Variants in DCHS2 observed in about 807,000 individuals in gnomAD.
DCHS2 encodes protocadherin-23.
A neutral mutation model predicts 182.4 loss-of-function variants in DCHS2; 142 were observed. The observed-to-expected ratio is 0.78, with a 90% CI of 0.68 to 0.89. The LOEUF is 0.89. Ranked by LOEUF, DCHS2 falls within the 40% of genes least tolerant of loss-of-function variation. The pLI, the probability that DCHS2 is intolerant of heterozygous loss-of-function variation, is 0.00. For missense variants in DCHS2, 4,319 were observed against 4,198.6 expected, an observed-to-expected ratio of 1.03 and a Z score of -0.79; for synonymous variants, 1,740 against 1,663.3, an observed-to-expected ratio of 1.05 and a Z score of -1.12.
At chr4:154,259,810 T>A in intron 14 of DCHS2, 54 bp from the exon 15 acceptor site, 1 of 1,472,810 alleles carries the variant, frequency 6.8e-7, no homozygotes, top group Non-Finnish European at 9.0e-7. Flanking sequence ...GTTATTCTTT[T>A]ATTTTTTATT....
At chr4:154,454,312 T>C (rs572634270) in intron 1 of DCHS2, among the ~76,000 whole-genome samples, 49 of 152,238 alleles carry the variant, frequency 3.2e-4, no homozygotes, top group Non-Finnish European at 5.0e-4. Context: ...GGCATGAACA[T>C]AGCTCACTGC....
chr4:154,366,289 G>T lies in DCHS2; in HGVS notation c.2397C>A (p.Asp799Glu). ...AAGCCACTGTCCCATATATCCCAGA[G>T]TCCTGGTCAGTGGCAAGAACATTGA... is the stretch of plus-strand genomic sequence containing the variant. ...EIINVLATDQ[D>E]SGIYGTVAYE... The change falls in exon 3 of 20, where the codon GAC becomes GAA. Residue 799 changes from aspartate to glutamate, a missense_variant. Physicochemically the swap from Asp to Glu is conservative, Grantham distance 45. Transcript: ENST00000357232. 1 of 1,613,844 alleles carries T rather than the reference G, an allele frequency of 6.2e-7. No individual in the cohort carries two copies.
chr4:154,268,855 G>A (rs1733425555), intron 14 of DCHS2, among the ~76,000 whole-genome samples: 1 of 152,024 alleles, frequency 6.6e-6, no homozygotes, highest in Non-Finnish European at 1.5e-5. Context: ...TTTAATGATG[G>A]ACTGTAGAAG....
chr4:154,242,892 T>C lies in DCHS2; in HGVS notation c.6942-120A>G, dbSNP rs552889082. ...AGCTGACTAGCTACTTTTATTTTTC[T>C]CTTGGATTTTCTAAATGGCATCATT... On this transcript the variant is annotated intron_variant, in intron 16 of 19. Transcript: ENST00000357232. The C allele has an allele frequency of 3.6e-4, 483 of 1,337,204 alleles. 1 individual carries two copies. The highest frequency in any genetic ancestry group is 1.0e-3 in the Middle Eastern group (4 of 3,924). The allele number at this position is 1,337,204 out of a possible 1,614,324, so 82.8% of individuals were successfully genotyped here.
chr4:154,244,431 G>A (rs957352041), intron 16 of DCHS2, among the ~76,000 whole-genome samples: 1 of 152,150 alleles, frequency 6.6e-6, no homozygotes, highest in Non-Finnish European at 1.5e-5. Context: ...CACGATGAAG[G>A]CTAGGAGGGT....
intron 1 of DCHS2, among the ~76,000 whole-genome samples, chr4:154,463,091 G>T (rs1194455377): frequency 1.3e-5 from 2 of 150,124 alleles, no homozygotes; most frequent in African/African-American, 5.0e-5. Context: ...TTATAAGTAG[G>T]TGTATACATA....
rs1578955149 is a variant in DCHS2 at position 154,316,124 on chromosome 4, C to T, written c.5021-137G>A. The T allele has an allele frequency of 8.0e-6, 11 of 1,379,190 alleles. No individual in the cohort carries two copies. The East Asian group carries it at 2.5e-4, about 31-fold the overall frequency. 85.4% of individuals were successfully genotyped at this position (1,379,190 alleles called of 1,614,324 possible). ...TGCTAAAATATGAACTGCATTAAAT[C>T]ATCTTTAAATGTATACACTATCTAC... On this transcript the variant is annotated intron_variant, in intron 9 of 19. Coordinates refer to ENST00000357232, the MANE Select transcript of DCHS2 (RefSeq NM_001358235.2).
intron 1 of DCHS2, among the ~76,000 whole-genome samples, chr4:154,461,733 T>C (rs13126251): frequency 3.9e-5 from 6 of 152,174 alleles, no homozygotes; most frequent in Non-Finnish European, 7.3e-5. Flanking sequence ...TTTTCCTTTG[T>C]GCTCTTAAGA....
Position 154,333,114 on chromosome 4 carries a change from G to C in DCHS2, c.3094C>G (p.Leu1032Val), listed in dbSNP as rs764160220. The change falls in exon 5 of 20, where the codon CTG becomes GTG. Residue 1032 changes from leucine (L) to valine (V), a missense_variant. Coordinates refer to ENST00000357232, the MANE Select transcript of DCHS2 (RefSeq NM_001358235.2). ...CTGCCGTTGAGGAACAGCACCCCCA[G>C]GGCTCTGTCGATGGCAAAGACGCCT... ...QPGVFAIDRA[L>V]GVLFLNGSLG... 3.7e-6 allele frequency: 6 copies of C among 1,614,042 alleles called. No individual in the cohort carries two copies. The highest frequency in any genetic ancestry group is 1.1e-5 in the South Asian group (1 of 91,080).
intron 1 of DCHS2, among the ~76,000 whole-genome samples, chr4:154,467,361 C>T (rs1053829572): frequency 3.3e-5 from 5 of 152,064 alleles, no homozygotes; most frequent in African/African-American, 1.2e-4. Flanking sequence ...GAAATGATAC[C>T]AGGTTATATT....
chr4:154,322,139 G>A (rs992321616), intron 8 of DCHS2, among the ~76,000 whole-genome samples, 192 bp downstream of exon 8: 8 of 152,032 alleles, frequency 5.3e-5, no homozygotes, highest in Admixed American at 2.0e-4. Flanking sequence ...AAATAATTTG[G>A]GTCTAAATCA....
chr4:154,485,835 T>C (rs1010661687), intron 1 of DCHS2, among the ~76,000 whole-genome samples: 5 of 152,250 alleles, frequency 3.3e-5, no homozygotes, highest in Admixed American at 6.5e-5. Context: ...GGTTATAAGA[T>C]AAAAGCTGCA....
At chr4:154,340,519 C>G (rs1729015709) in intron 3 of DCHS2, among the ~76,000 whole-genome samples, 1 of 152,182 alleles carries the variant, frequency 6.6e-6, no homozygotes, top group African/African-American at 2.4e-5. Context: ...AATCCCCAAA[C>G]TGGCATTTTT....
At chr4:154,244,502 G>C (rs1731983518) in intron 16 of DCHS2, among the ~76,000 whole-genome samples, 2 of 152,186 alleles carry the variant, frequency 1.3e-5, no homozygotes, top group South Asian at 4.1e-4. Flanking sequence ...AGTGGAATTA[G>C]TCTCAGCTAG....
Position 154,236,127 on chromosome 4 carries a change from TA to T in DCHS2, c.8524del (p.Tyr2842MetfsTer23). The part of the protein sequence containing the change: ...GDIHAKQILD[Y>X]ENGNKYCLTV... ...GAGGCAGTATTTATTGCCATTTTCA[TA>T]GTCAAGGATTTGCTTAGCATGAATA... On this transcript the variant is annotated frameshift_variant, in exon 20 of 20. Transcript: ENST00000357232. LOFTEE classifies it low-confidence loss of function (END_TRUNC). 1.2e-6 allele frequency: 2 copies of T among 1,613,768 alleles called. No homozygotes were observed. The highest frequency in any genetic ancestry group is 1.7e-6 in the Non-Finnish European group (2 of 1,179,948).
At chr4:154,416,842 T>C (rs1284181518) in intron 1 of DCHS2, among the ~76,000 whole-genome samples, 1 of 152,178 alleles carries the variant, frequency 6.6e-6, no homozygotes, top group Non-Finnish European at 1.5e-5. Context: ...TCACATAATC[T>C]TGGCGAACGT....
At chr4:154,421,612 C>A (rs1321721052) in intron 1 of DCHS2, among the ~76,000 whole-genome samples, 1 of 152,134 alleles carries the variant, frequency 6.6e-6, no homozygotes, top group Non-Finnish European at 1.5e-5. Flanking sequence ...CCAGGCTGGT[C>A]TCGAACTCCT....
intron 13 of DCHS2, among the ~76,000 whole-genome samples, chr4:154,275,850 AG>A (rs1733831778): frequency 1.3e-5 from 2 of 152,218 alleles, no homozygotes; most frequent in Non-Finnish European, 2.9e-5. Flanking sequence ...ACTGCAAAGA[AG>A]AGTTATACAT....
Position 154,490,288 on chromosome 4 carries a change from G to T in DCHS2, c.1068C>A (p.Phe356Leu). Residue 356 changes from phenylalanine to leucine, a missense_variant, in exon 1 of 20, where the codon TTC becomes TTA. Transcript: ENST00000357232. ...CCACGCCGCTCAGCTCCTCCACCGC[G>T]AAGTAGGCCGCGTCGCCCAGTGCCC... ...GGGALGDAAYFAVEELSGVVR... is the reference protein window; with the variant it reads ...GGGALGDAAYLAVEELSGVVR... 3 of 1,547,944 alleles carry T rather than the reference G, an allele frequency of 1.9e-6. No individual in the cohort carries two copies. The highest frequency in any genetic ancestry group is 2.6e-6 in the Non-Finnish European group (3 of 1,146,678).
Sources: gnomAD v4.1 joint callset for allele counts (sites outside exome capture counted in the v4.1 genomes callset) on GRCh38, gnomAD v4.1.1 for gene constraint, MANE v1.5 for transcripts, NCBI Gene and HGNC (gene_info 2026-07-23, HGNC 2026-07-21) for gene names.